RAD50: variants seen among roughly 807,000 people sequenced by gnomAD.
RAD50 encodes the protein RAD50 double strand break repair protein.
In RAD50, 132 loss-of-function variants were observed where a neutral mutation model predicts 168.8. That is an observed-to-expected ratio of 0.78 (90% CI 0.68 to 0.90). The LOEUF is 0.90. Ranked by LOEUF, RAD50 falls within the 40% of genes least tolerant of loss-of-function variation. The pLI, the probability that RAD50 is intolerant of heterozygous loss-of-function variation, is 0.00. For synonymous variants in RAD50, 525 were observed against 497.4 expected, an observed-to-expected ratio of 1.06 and a Z score of -0.74; for missense variants, 1,347 against 1,534.4, an observed-to-expected ratio of 0.88 and a Z score of 2.04.
chr5:132,569,941 G>C (rs1418122841), intron 2 of RAD50, among the ~76,000 whole-genome samples: 1 of 152,174 alleles, frequency 6.6e-6, no homozygotes, highest in Non-Finnish European at 1.5e-5. Flanking sequence ...AATATAGCAT[G>C]TAAAAATATG....
chr5:132,612,548 G>A lies in RAD50; in HGVS notation c.3036+3152G>A, dbSNP rs112682268. ...ATGACTTAGGTTATTAAAAATACAT[G>A]TGTTGGCCGGGCACAGTGGCTCATG... On this transcript the variant is annotated intron_variant, in intron 19 of 24. Coordinates refer to ENST00000378823, the MANE Select transcript of RAD50 (RefSeq NM_005732.4). 2.1e-3 allele frequency among the ~76,000 whole-genome samples: 323 copies of A among 152,268 alleles called. 3 individuals carry two copies. Among genetic ancestry groups the A allele is most frequent in the African/African-American group, 6.9e-3 (285 of 41,560 alleles).
intron 19 of RAD50, among the ~76,000 whole-genome samples, chr5:132,610,587 A>G (rs1751067099): frequency 6.6e-6 from 1 of 152,166 alleles, no homozygotes; most frequent in Non-Finnish European, 1.5e-5. Flanking sequence ...GTTGCTTAAA[A>G]TCATTTGGAA....
intron 19 of RAD50, among the ~76,000 whole-genome samples, chr5:132,614,702 A>G (rs960637703): frequency 6.7e-6 from 1 of 150,106 alleles, no homozygotes; most frequent in Non-Finnish European, 1.5e-5. Context: ...ATTACTTTTT[A>G]TTTTTTTTCC....
intron 21 of RAD50, among the ~76,000 whole-genome samples, chr5:132,622,937 GTTCC>G (rs1751309023): frequency 6.6e-6 from 1 of 152,136 alleles, no homozygotes; most frequent in Non-Finnish European, 1.5e-5. Flanking sequence ...TAGTTGGTAG[GTTCC>G]TAGACTATAC....
chr5:132,623,822 C>T (rs1056547943), intron 21 of RAD50, among the ~76,000 whole-genome samples: 1 of 152,158 alleles, frequency 6.6e-6, no homozygotes, highest in Admixed American at 6.5e-5. Context: ...CCAACCTGAG[C>T]AGTGGCATTC....
At chr5:132,611,734 C>G (rs1554099548) in intron 19 of RAD50, among the ~76,000 whole-genome samples, 1 of 137,666 alleles carries the variant, frequency 7.3e-6, no homozygotes, top group Non-Finnish European at 1.6e-5. Context: ...AAAAAAGTCA[C>G]AATTAGTCAA....
At chr5:132,606,905 G>A (rs538954686) in intron 16 of RAD50, among the ~76,000 whole-genome samples, 4 of 152,228 alleles carry the variant, frequency 2.6e-5, no homozygotes, top group Admixed American at 6.5e-5. Context: ...AAAGGCCTTC[G>A]ATAAAATTCA....
intron 19 of RAD50, 140 bp downstream of exon 19, chr5:132,609,536 C>T (rs1581005131): frequency 1.5e-6 from 2 of 1,375,018 alleles, no homozygotes; most frequent in African/African-American, 1.5e-5. Flanking sequence ...AATCCCTGCA[C>T]TTTGGAAGGC....
intron 21 of RAD50, among the ~76,000 whole-genome samples, chr5:132,625,177 C>G (rs1343443648): frequency 6.7e-5 from 10 of 150,150 alleles, no homozygotes; most frequent in Non-Finnish European, 1.5e-5. Context: ...AGCTCCGCCT[C>G]CCGGGTTCAC....
In RAD50 at chr5:132,618,232, T is replaced by G. The variant is rs587781940; in HGVS notation, c.3327T>G (p.Ile1109Met). The G allele has an allele frequency of 1.4e-4, 232 of 1,613,922 alleles. No individual in the cohort carries two copies. The highest frequency in any genetic ancestry group is 1.9e-4 in the Non-Finnish European group (224 of 1,179,972). ...DAEEKYREMM[I>M]VMRTTELVNK... ...AGGAAAAGTATAGAGAAATGATGAT[T>G]GTTATGAGGACAACAGAACTTGTGA... is the stretch of plus-strand genomic sequence containing the variant. Residue 1109 changes from isoleucine (I) to methionine (M), a missense_variant, in exon 21 of 25, where the codon ATT becomes ATG. This residue lies in a region of RAD50 where 635 missense variants were observed against 739.2 expected (regional missense o/e 0.86). Transcript: ENST00000378823.
At chr5:132,602,571 T>C (rs1437380277) in intron 13 of RAD50, among the ~76,000 whole-genome samples, 1 of 152,170 alleles carries the variant, frequency 6.6e-6, no homozygotes, top group East Asian at 1.9e-4. Flanking sequence ...TTAAAAAATT[T>C]TTATTTTGAA....
At chr5:132,640,896 G>A in intron 24 of RAD50, 91 bp downstream of exon 24, 1 of 1,588,918 alleles carries the variant, frequency 6.3e-7, no homozygotes, top group Non-Finnish European at 8.6e-7. Context: ...AGAGTTCTGT[G>A]ATGAAAACGT....
At chr5:132,559,954 ATT>A (rs1281636334) in intron 2 of RAD50, among the ~76,000 whole-genome samples, 1 of 152,028 alleles carries the variant, frequency 6.6e-6, no homozygotes, top group African/African-American at 2.4e-5. Flanking sequence ...TGTATGAATC[ATT>A]GTTTGAATTA....
intron 23 of RAD50, among the ~76,000 whole-genome samples, chr5:132,639,026 C>T (rs1751656021): frequency 6.6e-6 from 1 of 152,182 alleles, no homozygotes. Context: ...CTTACATTAT[C>T]TAACTCATTT....
chr5:132,606,498 G>T (rs969313002), intron 16 of RAD50, among the ~76,000 whole-genome samples: 2 of 152,164 alleles, frequency 1.3e-5, no homozygotes, highest in Non-Finnish European at 2.9e-5. Flanking sequence ...ACCAAAAGAA[G>T]TCCAGGACCA....
At position 132,608,628 on chromosome 5, in the gene RAD50, AG is replaced by A. The variant is rs1297931573; in HGVS notation, c.2734del (p.Val912Ter). The stretch of plus-strand genomic sequence containing the variant: ...TTATATTTTTAGGATGCTAAAGAGC[AG>A]GTAAGCCCTTTGGAAACAACATTGG... ...LYREIKDAKEQVSPLETTLEK... is the reference protein window; with the variant it reads ...LYREIKDAKEXVSPLETTLEK... On this transcript the variant is annotated frameshift_variant, in exon 17 of 25. Coordinates refer to ENST00000378823, the MANE Select transcript of RAD50 (RefSeq NM_005732.4). LOFTEE classifies it high-confidence loss of function. The A allele has an allele frequency of 6.3e-7, 1 of 1,589,038 alleles. No individual in the cohort carries two copies. The highest frequency in any genetic ancestry group is 8.6e-7 in the Non-Finnish European group (1 of 1,167,494).
At chr5:132,565,144 G>A (rs1170565802) in intron 2 of RAD50, among the ~76,000 whole-genome samples, 1 of 152,034 alleles carries the variant, frequency 6.6e-6, no homozygotes, top group African/African-American at 2.4e-5. Context: ...TTTTTCTTCT[G>A]CTCCAGCCAT....
At chr5:132,572,298 G>A (rs1019873973) in intron 2 of RAD50, among the ~76,000 whole-genome samples, 1 of 152,028 alleles carries the variant, frequency 6.6e-6, no homozygotes, top group African/African-American at 2.4e-5. Context: ...GTACCCTAGG[G>A]ATGAATAGAT....
chr5:132,641,408 G>T (rs1052900848), intron 24 of RAD50, among the ~76,000 whole-genome samples: 3 of 152,162 alleles, frequency 2.0e-5, no homozygotes, highest in Non-Finnish European at 4.4e-5. Context: ...GGTCAAAGGA[G>T]GTGTTTCAGG....
Sources: gnomAD v4.1 joint callset for allele counts (sites outside exome capture counted in the v4.1 genomes callset) on GRCh38, gnomAD v4.1.1 for gene constraint, gnomAD v4.1.1 regional missense constraint, MANE v1.5 for transcripts, NCBI Gene and HGNC (gene_info 2026-07-23, HGNC 2026-07-21) for gene names.